Variants in DACH2 observed in about 807,000 individuals in gnomAD.
The protein encoded by DACH2 is dachshund family transcription factor 2.
In DACH2, 17 loss-of-function variants were observed where a neutral mutation model predicts 35.8. The ratio of observed to expected loss-of-function variants is 0.48; its 90% CI spans 0.33 to 0.71. DACH2 has a LOEUF of 0.71. Ranked by LOEUF, DACH2 falls within the 30% of genes least tolerant of loss-of-function variation. The pLI is 0.02. For synonymous variants in DACH2, 195 were observed against 177.3 expected (o/e 1.10, Z -0.79); for missense variants, 469 against 472.7 (o/e 0.99, Z 0.07).
intron 1 of DACH2, among the ~76,000 whole-genome samples, chrX:86,277,266 T>C (rs1254287267): frequency 8.9e-6 from 1 of 111,845 alleles, no homozygotes; most frequent in Non-Finnish European, 1.9e-5. Flanking sequence ...TTTCTAGGTA[T>C]TTAATTTTAT....
chrX:86,570,640 T>C (rs1242672483), intron 3 of DACH2, among the ~76,000 whole-genome samples: 1 of 110,119 alleles, frequency 9.1e-6, no homozygotes, highest in Non-Finnish European at 1.9e-5. Flanking sequence ...TGGGCTTAAT[T>C]CCTAGTTGAT....
intron 3 of DACH2, among the ~76,000 whole-genome samples, chrX:86,557,368 G>A (rs906285858): frequency 2.9e-4 from 32 of 110,386 alleles, no homozygotes; most frequent in African/African-American, 9.6e-4. Flanking sequence ...TTTGAAGTCA[G>A]GTAGTGTGAT....
chrX:86,366,797 CT>C (rs2035813296), intron 1 of DACH2, among the ~76,000 whole-genome samples: 1 of 109,759 alleles, frequency 9.1e-6, no homozygotes, highest in Admixed American at 9.8e-5. Context: ...CCCCACCCCC[CT>C]TTTTGCTTCC....
rs184527031 is a variant in DACH2, at chrX:86,642,031, T to G, written c.641-9005T>G. 3.6e-3 allele frequency among the ~76,000 whole-genome samples: 404 copies of G among 111,874 alleles called. 1 individual carries two copies. Among genetic ancestry groups the G allele is most frequent in the Non-Finnish European group, 5.7e-3 (305 of 53,117 alleles). ...ACTTAAACACACAGACCAGTGTTAC[T>G]GTAAAGCAATCACACAAACAAGCCA... is the stretch of plus-strand genomic sequence containing the variant. On this transcript the variant is annotated intron_variant, in intron 3 of 11. Transcript: ENST00000373125.
intron 7 of DACH2, among the ~76,000 whole-genome samples, chrX:86,800,494 A>G (rs1335349123): frequency 8.9e-6 from 1 of 111,779 alleles, no homozygotes; most frequent in East Asian, 2.8e-4. Flanking sequence ...TTTTATCAGA[A>G]AAAGAGTGTC....
Position 86,551,226 on chromosome X carries a change from G to A in DACH2, c.640+36835G>A, listed in dbSNP as rs142333673. Among the ~76,000 whole-genome samples, 44 of 111,737 alleles carry A rather than the reference G, an allele frequency of 3.9e-4. 1 individual carries two copies. In the East Asian group the frequency reaches 0.012, roughly 31 times the overall value. On this transcript the variant is annotated intron_variant, in intron 3 of 11. Coordinates refer to ENST00000373125, the MANE Select transcript of DACH2 (RefSeq NM_053281.3). ...GCTTTATCCTCCAATAAATATAATA[G>A]CAGAGTGCCTATGACATGATGTTCA... is the stretch of plus-strand genomic sequence containing the variant.
At chrX:86,664,485 G>A (rs144576047) in intron 4 of DACH2, among the ~76,000 whole-genome samples, 413 of 111,274 alleles carry the variant, frequency 3.7e-3, no homozygotes, top group African/African-American at 0.012. Flanking sequence ...TACCTGCCAT[G>A]GAGTTTTCTT....
chrX:86,148,677 G>T lies in DACH2; in HGVS notation c.57G>T (p.Pro19=), dbSNP rs773783988. 8.3e-7 allele frequency: 1 copy of T among 1,203,067 alleles called. No homozygotes were observed. Among genetic ancestry groups the T allele is most frequent in the South Asian group, 1.8e-5 (1 of 55,743 alleles). The change falls in exon 1 of 12, where the codon CCG becomes CCT. Residue 19 remains proline, a synonymous_variant. Coordinates refer to ENST00000373125, the MANE Select transcript of DACH2 (RefSeq NM_053281.3). ...ISATSSGAGV[P]GGLFRAEPLY... is the part of the protein sequence containing the mutation. ...CAACTTCCAGCGGCGCCGGCGTCCC[G>T]GGGGGCTTATTCCGGGCCGAACCCC...
intron 1 of DACH2, among the ~76,000 whole-genome samples, chrX:86,295,331 T>A (rs1031993305): frequency 8.9e-6 from 1 of 112,026 alleles, no homozygotes; most frequent in Non-Finnish European, 1.9e-5. Context: ...CACTCCCTAG[T>A]GAGATGAACC....
intron 7 of DACH2, among the ~76,000 whole-genome samples, chrX:86,759,573 T>TA (rs1569478986): frequency 1.6e-4 from 18 of 109,352 alleles, no homozygotes; most frequent in African/African-American, 5.4e-4. Context: ...TTTTTTTTTT[T>TA]TAAAAATCCA....
At chrX:86,556,795 TAGAGAGAGAG>T (rs1194704943) in intron 3 of DACH2, among the ~76,000 whole-genome samples, 6 of 25,294 alleles carry the variant, frequency 2.4e-4, no homozygotes, top group East Asian at 1.7e-3. Context: ...TATATATATA[TAGAGAGAGAG>T]AGAGAGAGAG....
At chrX:86,272,782 A>G (rs930259885) in intron 1 of DACH2, among the ~76,000 whole-genome samples, 6 of 111,964 alleles carry the variant, frequency 5.4e-5, no homozygotes, top group African/African-American at 1.9e-4. Context: ...ATTAGTTGAA[A>G]ATTGTTTTTT....
chrX:86,595,536 A>G (rs1467922237), intron 3 of DACH2, among the ~76,000 whole-genome samples: 3 of 111,286 alleles, frequency 2.7e-5, no homozygotes, highest in African/African-American at 9.8e-5. Flanking sequence ...AGAGTTGGGC[A>G]GTCTTTTCTT....
At chrX:86,787,473 C>T (rs747643825) in intron 7 of DACH2, among the ~76,000 whole-genome samples, 2 of 110,295 alleles carry the variant, frequency 1.8e-5, no homozygotes, top group Non-Finnish European at 1.9e-5. Context: ...AAAAAATTAG[C>T]CAGGCAAGGT....
chrX:86,626,980 G>A (rs138972129), intron 3 of DACH2, among the ~76,000 whole-genome samples: 2,613 of 112,350 alleles, frequency 0.023, 38 homozygotes, highest in Non-Finnish European at 0.038. Flanking sequence ...GCAAATTTCC[G>A]CAGCTGGCTT....
chrX:86,463,709 A>C, intron 2 of DACH2, among the ~76,000 whole-genome samples: 1 of 111,867 alleles, frequency 8.9e-6, no homozygotes, highest in Non-Finnish European at 1.9e-5. Flanking sequence ...TCTGCACAGC[A>C]AAAGAGACTA....
In DACH2 at chrX:86,482,489, A is replaced by G. The variant is rs1187460087; in HGVS notation, c.528-31790A>G. Among the ~76,000 whole-genome samples, 3 of 110,538 alleles carry G rather than the reference A, an allele frequency of 2.7e-5. No individual in the cohort carries two copies. In the Admixed American group the frequency reaches 2.9e-4, roughly 11 times the overall value. ...CTTTGCTATTGTGAATAATGCCGCA[A>G]TAAACATACATGTGCATGTGTCTTT... On this transcript the variant is annotated intron_variant, in intron 2 of 11. Transcript: ENST00000373125.
intron 1 of DACH2, among the ~76,000 whole-genome samples, chrX:86,325,177 G>A (rs886494937): frequency 2.7e-5 from 3 of 111,319 alleles, no homozygotes; most frequent in African/African-American, 6.5e-5. Flanking sequence ...CTCCAAACCC[G>A]TATTTCAGGC....
At chrX:86,158,915 A>G (rs974499205) in intron 1 of DACH2, among the ~76,000 whole-genome samples, 9 of 111,442 alleles carry the variant, frequency 8.1e-5, no homozygotes, top group Non-Finnish European at 1.5e-4. Flanking sequence ...TAGTTTTATG[A>G]GTGCAGAAAG....
Sources: allele counts gnomAD v4.1 joint callset (sites outside exome capture counted in the v4.1 genomes callset), GRCh38; gene constraint gnomAD v4.1.1; transcripts MANE v1.5; gene names NCBI Gene and HGNC (gene_info 2026-07-23, HGNC 2026-07-21).